GULP1: variants seen among roughly 807,000 people sequenced by gnomAD.
The protein encoded by GULP1 is GULP PTB domain containing engulfment adaptor 1.
GULP1 carries 19 observed loss-of-function variants against 40.9 expected under a neutral mutation model. The observed-to-expected ratio is 0.46, with a 90% CI of 0.32 to 0.68. GULP1 has a LOEUF of 0.68. Among genes scored for constraint, GULP1 ranks in the 30% least tolerant of loss-of-function variants. The pLI, the probability that GULP1 is intolerant of heterozygous loss-of-function variation, is 0.03. For missense variants in GULP1, 312 were observed against 362.2 expected, an observed-to-expected ratio of 0.86 and a Z score of 1.12; for synonymous variants, 119 against 117.6, an observed-to-expected ratio of 1.01 and a Z score of -0.08.
chr2:188,512,262 A>C (rs1012613139), intron 4 of GULP1, among the ~76,000 whole-genome samples: 3 of 152,106 alleles, frequency 2.0e-5, no homozygotes, highest in African/African-American at 7.2e-5. Flanking sequence ...ATATATACGC[A>C]TTTTTAAAAA....
intron 1 of GULP1, among the ~76,000 whole-genome samples, chr2:188,332,124 A>G (rs529285881): frequency 6.6e-6 from 1 of 151,206 alleles, no homozygotes; most frequent in South Asian, 2.1e-4. Flanking sequence ...CTAAGGGAGG[A>G]TGATGATAGC....
intron 4 of GULP1, among the ~76,000 whole-genome samples, chr2:188,504,915 T>C (rs1559319420): frequency 6.6e-6 from 1 of 151,870 alleles, no homozygotes; most frequent in East Asian, 1.9e-4. Context: ...GGCTTTTGAC[T>C]GCAAACCTGT....
At chr2:188,396,917 C>G (rs758598564) in intron 2 of GULP1, among the ~76,000 whole-genome samples, 1 of 152,172 alleles carries the variant, frequency 6.6e-6, no homozygotes, top group Non-Finnish European at 1.5e-5. Flanking sequence ...ATATTGCCCA[C>G]GGCTCCCTAA....
chr2:188,295,232 TACAA>T (rs2034654612), intron 1 of GULP1, among the ~76,000 whole-genome samples: 1 of 152,192 alleles, frequency 6.6e-6, no homozygotes, highest in Admixed American at 6.5e-5. Flanking sequence ...ATTTATGACA[TACAA>T]ACAGACTTTC....
intron 7 of GULP1, 122 bp downstream of exon 7, chr2:188,541,440 T>C: frequency 1.2e-6 from 1 of 859,906 alleles, no homozygotes; most frequent in South Asian, 1.3e-5. Context: ...CTGTAAAAAG[T>C]CTGTAAATAC....
intron 10 of GULP1, among the ~76,000 whole-genome samples, chr2:188,587,462 G>T (rs532662562): frequency 6.6e-6 from 1 of 152,102 alleles, no homozygotes; most frequent in South Asian, 2.1e-4. Flanking sequence ...CTATTGTGTT[G>T]CAAGGCATCA....
chr2:188,302,683 G>A (rs902367814), intron 1 of GULP1, among the ~76,000 whole-genome samples: 8 of 152,128 alleles, frequency 5.3e-5, no homozygotes, highest in East Asian at 1.9e-4. Context: ...GCTCTTGTGC[G>A]TCCTCTTCTC....
At position 188,489,343 on chromosome 2, in the gene GULP1, G is replaced by T. The variant is rs114791134; in HGVS notation, c.90+5851G>T. On this transcript the variant is annotated intron_variant, in intron 4 of 11. Transcript: ENST00000409830. ...ACATAAGCACTTGCCAGTTTTGCTG[G>T]TTGTAGAAACCAGGGGAAATATAAG... Among the ~76,000 whole-genome samples, 705 of 151,990 alleles carry T rather than the reference G, an allele frequency of 4.6e-3. 4 individuals are homozygous for T. The highest frequency in any genetic ancestry group is 0.016 in the African/African-American group (661 of 41,492).
chr2:188,574,078 G>A (rs1559395254), intron 9 of GULP1, among the ~76,000 whole-genome samples: 1 of 152,136 alleles, frequency 6.6e-6, no homozygotes, highest in East Asian at 1.9e-4. Context: ...GGATATGCTG[G>A]TCTAACACAA....
intron 10 of GULP1, 109 bp from the exon 11 acceptor site, chr2:188,587,746 G>A (rs960404851): frequency 7.6e-6 from 5 of 661,490 alleles, no homozygotes; most frequent in Non-Finnish European, 1.4e-5. Context: ...TGGGTTAGTG[G>A]CTTATTTGAT....
At chr2:188,551,124 A>G (rs1037330232) in intron 7 of GULP1, among the ~76,000 whole-genome samples, 1 of 151,632 alleles carries the variant, frequency 6.6e-6, no homozygotes, top group Non-Finnish European at 1.5e-5. Flanking sequence ...ATTTGAACAA[A>G]TTTATGGAGT....
intron 2 of GULP1, among the ~76,000 whole-genome samples, chr2:188,397,529 C>T (rs2051461024): frequency 6.6e-6 from 1 of 152,166 alleles, no homozygotes; most frequent in Non-Finnish European, 1.5e-5. Context: ...GAAGATACTT[C>T]ATAAATGTTG....
chr2:188,382,938 AAG>A (rs1490584675), intron 1 of GULP1, among the ~76,000 whole-genome samples: 1 of 152,216 alleles, frequency 6.6e-6, no homozygotes, highest in African/African-American at 2.4e-5. Context: ...AGATCTATCT[AAG>A]AAAGTCAAAA....
intron 4 of GULP1, among the ~76,000 whole-genome samples, chr2:188,492,588 A>G (rs2062498359): frequency 6.6e-6 from 1 of 151,998 alleles, no homozygotes; most frequent in South Asian, 2.1e-4. Flanking sequence ...ATAACATGAA[A>G]CTGTAAGTAA....
At chr2:188,500,786 A>G (rs1349829440) in intron 4 of GULP1, among the ~76,000 whole-genome samples, 1 of 151,758 alleles carries the variant, frequency 6.6e-6, no homozygotes. Flanking sequence ...GGCTCTTGAT[A>G]CTCCCTCAAT....
chr2:188,397,011 G>T (rs2051375418), intron 2 of GULP1, among the ~76,000 whole-genome samples: 1 of 152,156 alleles, frequency 6.6e-6, no homozygotes, highest in African/African-American at 2.4e-5. Context: ...TACCCTGAAG[G>T]CAGTTTATCC....
intron 7 of GULP1, among the ~76,000 whole-genome samples, chr2:188,555,615 G>A (rs1304127154): frequency 1.3e-5 from 2 of 152,074 alleles, no homozygotes; most frequent in African/African-American, 4.8e-5. Context: ...GTGACTAGAC[G>A]CTTTCCTCTT....
Position 188,455,585 on chromosome 2 carries a change from G to A in GULP1, c.-44-22074G>A, listed in dbSNP as rs183596382. Among the ~76,000 whole-genome samples, 512 of 152,298 alleles carry A rather than the reference G, an allele frequency of 3.4e-3. 3 individuals carry two copies. The highest frequency in any genetic ancestry group is 5.8e-3 in the Non-Finnish European group (392 of 68,032). On this transcript the variant is annotated intron_variant, in intron 2 of 11. Coordinates refer to ENST00000409830, the MANE Select transcript of GULP1 (RefSeq NM_016315.4). ...CCTCCCCAGCCATGTGGAACTGTGA[G>A]TCCAGTTAAACCTCTTTCTTTTGTA...
In GULP1 at chr2:188,529,132, A is replaced by C; in HGVS notation, c.198A>C (p.Lys66Asn). 6.3e-7 allele frequency: 1 copy of C among 1,583,500 alleles called. No homozygotes were observed. ...ATATCAAGAAATCTGAAGGCCAGAA[A>C]ATTCCTAAAGTGGAGTTGCAAATAT... ...ARHIKKSEGQ[K>N]IPKVELQISI... is the part of the protein sequence containing the mutation. Residue 66 changes from lysine to asparagine, a missense_variant, in exon 6 of 12, where the codon AAA (lysine) becomes AAC (asparagine). Coordinates refer to ENST00000409830, the MANE Select transcript of GULP1 (RefSeq NM_016315.4).
Sources: gnomAD v4.1 joint callset for allele counts (sites outside exome capture counted in the v4.1 genomes callset) on GRCh38, gnomAD v4.1.1 for gene constraint, MANE v1.5 for transcripts, NCBI Gene and HGNC (gene_info 2026-07-23, HGNC 2026-07-21) for gene names.